Variants in TFEC observed in about 807,000 individuals in gnomAD.
TFEC encodes class E basic helix-loop-helix protein 34.
Under a neutral mutation model 41.6 loss-of-function variants are expected in TFEC, and 31 were observed. The ratio of observed to expected loss-of-function variants is 0.74; its 90% CI spans 0.56 to 1.01. TFEC has a LOEUF of 1.01. Ranked by LOEUF, TFEC falls within the 50% of genes least tolerant of loss-of-function variation. The pLI is 0.00. For synonymous variants in TFEC, 143 were observed against 140.6 expected (o/e 1.02, Z -0.12); for missense variants, 402 against 404.1 (o/e 0.99, Z 0.04).
chr7:116,125,539 C>A (rs754161515), intron 1 of TFEC, among the ~76,000 whole-genome samples: 100 of 152,166 alleles, frequency 6.6e-4, no homozygotes, highest in Non-Finnish European at 1.1e-3. Flanking sequence ...ATGAATTGGT[C>A]TTGAATAAGG....
chr7:116,046,063 C>A (rs545730466), intron 3 of TFEC, among the ~76,000 whole-genome samples: 113 of 152,280 alleles, frequency 7.4e-4, no homozygotes, highest in Non-Finnish European at 1.4e-3. Flanking sequence ...CTAGGAAGAA[C>A]TAGCTTGCTT....
In TFEC at chr7:115,936,155, A is replaced by T. The variant is rs1199946856; in HGVS notation, c.*4396T>A. 6.6e-6 allele frequency: 1 copy of T among 151,620 alleles called. No individual in the cohort carries two copies. The allele number at this position is 151,620 out of a possible 1,614,324, so 9.4% of individuals were successfully genotyped here. A position where few individuals can be genotyped will look rare whatever the true frequency, so the allele number is the denominator to read the frequency against. On this transcript the variant is annotated 3_prime_UTR_variant, in exon 8 of 8. Coordinates refer to ENST00000265440, the MANE Select transcript of TFEC (RefSeq NM_012252.4). Reference sequence around the variant, plus strand: ...CATACAAACAATAAAACATTGGAACATCAATGCACAATGATTACAGGAGGC... The same window carrying T: ...CATACAAACAATAAAACATTGGAACTTCAATGCACAATGATTACAGGAGGC...
upstream of TFEC, among the ~76,000 whole-genome samples, chr7:116,033,831 C>A (rs1176918116): frequency 3.3e-5 from 5 of 152,140 alleles, no homozygotes; most frequent in Non-Finnish European, 5.9e-5. Flanking sequence ...ACTTCTCCCA[C>A]CAGATGTTAC....
intron 1 of TFEC, among the ~76,000 whole-genome samples, chr7:116,153,663 GA>G (rs1032944706): frequency 1.1e-4 from 16 of 145,284 alleles, no homozygotes; most frequent in East Asian, 4.0e-4. Flanking sequence ...GGACAAAGAG[GA>G]AAAAAAAAAG....
chr7:116,083,975 C>A (rs762480096), intron 3 of TFEC, among the ~76,000 whole-genome samples: 1 of 151,868 alleles, frequency 6.6e-6, no homozygotes, highest in South Asian at 2.1e-4. Flanking sequence ...AGCCACAGGG[C>A]CAATTACGAA....
At chr7:116,121,447 T>C (rs2116213040) in intron 1 of TFEC, 1 of 152,052 alleles carries the variant, frequency 6.6e-6, no homozygotes, top group East Asian at 1.9e-4. Flanking sequence ...ACGGAGTTTC[T>C]CTCTGGGGTG....
chr7:116,051,403 C>G (rs1047433555), intron 3 of TFEC, among the ~76,000 whole-genome samples: 1 of 152,130 alleles, frequency 6.6e-6, no homozygotes, highest in African/African-American at 2.4e-5. Flanking sequence ...CAGTATCATA[C>G]TAGAGGCAAA....
intron 1 of TFEC, among the ~76,000 whole-genome samples, chr7:116,129,864 C>T (rs1798296009): frequency 6.6e-6 from 1 of 152,006 alleles, no homozygotes; most frequent in Admixed American, 6.6e-5. Context: ...CATCATTCTT[C>T]CAGATGCCTT....
intron 2 of TFEC, among the ~76,000 whole-genome samples, chr7:115,978,993 T>C (rs1435164428): frequency 6.6e-6 from 1 of 152,138 alleles, no homozygotes; most frequent in East Asian, 1.9e-4. Flanking sequence ...CTCAAATCTC[T>C]TCCTCCAGTC....
At chr7:115,945,761 A>T (rs1791501957) in intron 6 of TFEC, among the ~76,000 whole-genome samples, 2 of 151,794 alleles carry the variant, frequency 1.3e-5, no homozygotes, top group Non-Finnish European at 2.9e-5. Flanking sequence ...AGTTTTCCCA[A>T]TTCTGGTCTA....
At chr7:116,077,127 A>C (rs1796977918) in intron 3 of TFEC, among the ~76,000 whole-genome samples, 1 of 152,156 alleles carries the variant, frequency 6.6e-6, no homozygotes, top group Non-Finnish European at 1.5e-5. Flanking sequence ...ATTTTTAGCC[A>C]CCTTAAGCAA....
At chr7:116,039,527 C>T (rs1007092349) in intron 3 of TFEC, among the ~76,000 whole-genome samples, 1 of 151,720 alleles carries the variant, frequency 6.6e-6, no homozygotes, top group South Asian at 2.1e-4. Flanking sequence ...CAGAATCTAT[C>T]TGCAAGGAGA....
At chr7:116,132,614 T>A (rs563770703) in intron 1 of TFEC, among the ~76,000 whole-genome samples, 11 of 152,214 alleles carry the variant, frequency 7.2e-5, no homozygotes, top group Admixed American at 3.3e-4. Context: ...ACGGCCTTCA[T>A]TCATAAAAAG....
intron 1 of TFEC, among the ~76,000 whole-genome samples, chr7:115,997,516 T>C (rs10223913): frequency 0.45 from 68,664 of 151,264 alleles, 15,713 homozygotes; most frequent in Non-Finnish European, 0.49. Flanking sequence ...AAGAATAAAA[T>C]GAATACCTAA....
chr7:116,149,969 G>A (rs1391106505), intron 1 of TFEC, among the ~76,000 whole-genome samples: 1 of 152,078 alleles, frequency 6.6e-6, no homozygotes, highest in Admixed American at 6.6e-5. Context: ...CTTTACAACA[G>A]TCAACATAAA....
chr7:116,113,652 G>A (rs1408072872), intron 1 of TFEC, among the ~76,000 whole-genome samples: 1 of 151,966 alleles, frequency 6.6e-6, no homozygotes, highest in African/African-American at 2.4e-5. Flanking sequence ...ATTAATTTCA[G>A]CAAAGCTTTT....
intron 1 of TFEC, among the ~76,000 whole-genome samples, chr7:115,999,481 A>G (rs1161186547): frequency 6.6e-6 from 1 of 151,992 alleles, no homozygotes; most frequent in African/African-American, 2.4e-5. Context: ...AGATCAGAAC[A>G]GAAATAAATA....
chr7:116,111,352 A>C (rs1797851658), intron 2 of TFEC, among the ~76,000 whole-genome samples: 1 of 152,046 alleles, frequency 6.6e-6, no homozygotes, highest in Non-Finnish European at 1.5e-5. Flanking sequence ...AAATATGTCA[A>C]AAGGAAAACC....
intron 1 of TFEC, among the ~76,000 whole-genome samples, chr7:115,985,456 C>T (rs762759955): frequency 6.6e-6 from 1 of 152,050 alleles, no homozygotes; most frequent in African/African-American, 2.4e-5. Context: ...ATATATAAAC[C>T]GATTTAATAT....
Sources: gnomAD v4.1 joint callset for allele counts (sites outside exome capture counted in the v4.1 genomes callset) on GRCh38, gnomAD v4.1.1 for gene constraint, MANE v1.5 for transcripts, NCBI Gene and HGNC (gene_info 2026-07-23, HGNC 2026-07-21) for gene names.